The following LRP12 variants were observed in gnomAD, a reference collection of about 807,000 sequenced individuals.
LRP12 encodes the protein low-density lipoprotein receptor-related protein 12.
Under a neutral mutation model 66.0 loss-of-function variants are expected in LRP12, and 14 were observed. The ratio of observed to expected loss-of-function variants is 0.21; its 90% CI spans 0.14 to 0.33. The LOEUF is 0.33. Ranked by LOEUF, LRP12 falls within the 10% of genes least tolerant of loss-of-function variation. LRP12 has a pLI of 1.00. For synonymous variants in LRP12, 357 were observed against 359.1 expected (o/e 0.99, Z 0.07); for missense variants, 889 against 1,053.4 (o/e 0.84, Z 2.16).
chr8:104,523,341 TAA>T (rs1811178828), intron 2 of LRP12, among the ~76,000 whole-genome samples: 1 of 152,160 alleles, frequency 6.6e-6, no homozygotes, highest in Non-Finnish European at 1.5e-5. Context: ...TAACCTATTA[TAA>T]AGAGTTAGAA....
chr8:104,569,567 A>C (rs1481286643), intron 1 of LRP12, among the ~76,000 whole-genome samples: 1 of 152,180 alleles, frequency 6.6e-6, no homozygotes, highest in African/African-American at 2.4e-5. Flanking sequence ...TGACATGAGT[A>C]GATACAGAAA....
In LRP12 at chr8:104,490,111, A is replaced by C. The variant is rs1810593259; in HGVS notation, c.*562T>G. 6.6e-6 allele frequency: 1 copy of C among 152,642 alleles called. No individual in the cohort carries two copies. Among genetic ancestry groups the C allele is most frequent in the African/African-American group, 2.4e-5 (1 of 41,452 alleles). 9.5% of individuals were successfully genotyped at this position (152,642 alleles called of 1,614,324 possible). ...CTAAATTTCACATGATTGTATGTTAAACGTAAGAGAAAAATTTTTAGACAG... is the reference window on the plus strand; with the variant it reads ...CTAAATTTCACATGATTGTATGTTACACGTAAGAGAAAAATTTTTAGACAG... On this transcript the variant is annotated 3_prime_UTR_variant, in exon 7 of 7. Transcript: ENST00000276654.
intron 1 of LRP12, among the ~76,000 whole-genome samples, chr8:104,567,708 C>T (rs995067300): frequency 3.3e-5 from 5 of 152,024 alleles, no homozygotes; most frequent in African/African-American, 1.2e-4. Context: ...GAAAACAATT[C>T]CACTTACAAT....
chr8:104,526,696 G>C (rs1207464863), intron 2 of LRP12, among the ~76,000 whole-genome samples: 1 of 146,718 alleles, frequency 6.8e-6, no homozygotes, highest in Non-Finnish European at 1.5e-5. Context: ...ATGGATTAAA[G>C]ACTTAAACGT....
Position 104,547,364 on chromosome 8 carries a change from AAT to A in LRP12, c.80-15403_80-15402del, listed in dbSNP as rs1250482425. Among the ~76,000 whole-genome samples the A allele has an allele frequency of 4.4e-5, 5 of 114,344 alleles. 1 individual carries two copies. The highest frequency in any genetic ancestry group is 1.5e-4 in the African/African-American group (4 of 27,070). 75.0% of individuals were successfully genotyped at this position (114,344 alleles called of 152,430 possible). On this transcript the variant is annotated intron_variant, in intron 1 of 6. Coordinates refer to ENST00000276654, the MANE Select transcript of LRP12 (RefSeq NM_013437.5). The stretch of plus-strand genomic sequence containing the variant: ...TACAATTCTGTTATATTTTGTATAT[AAT>A]ATACAATTCTGTTATATTTTGTATA...
At chr8:104,575,410 A>G (rs1812150597) in intron 1 of LRP12, among the ~76,000 whole-genome samples, 1 of 152,198 alleles carries the variant, frequency 6.6e-6, no homozygotes, top group African/African-American at 2.4e-5. Flanking sequence ...TTGGTCCCCC[A>G]ATCCAGCGCA....
chr8:104,564,630 GA>G (rs944030638), intron 1 of LRP12, among the ~76,000 whole-genome samples: 4 of 147,408 alleles, frequency 2.7e-5, no homozygotes, highest in Non-Finnish European at 4.5e-5. Context: ...CTATCATTAT[GA>G]AAAAAAAAAG....
chr8:104,509,157 C>A, intron 2 of LRP12, 83 bp from the exon 3 acceptor site: 3 of 1,310,116 alleles, frequency 2.3e-6, no homozygotes, highest in Admixed American at 2.3e-5. Flanking sequence ...TTTTAAAAAC[C>A]AAAAAACTTT....
chr8:104,571,023 T>C (rs1812072833), intron 1 of LRP12, among the ~76,000 whole-genome samples: 1 of 152,172 alleles, frequency 6.6e-6, no homozygotes, highest in African/African-American at 2.4e-5. Flanking sequence ...GCTACCACCA[T>C]ATCCCTTCTA....
At chr8:104,527,074 T>A (rs1255173173) in intron 2 of LRP12, among the ~76,000 whole-genome samples, 1 of 151,148 alleles carries the variant, frequency 6.6e-6, no homozygotes, top group Non-Finnish European at 1.5e-5. Context: ...AAAAGACACA[T>A]GAAAAAATGC....
At chr8:104,508,873 T>C (rs1374201591) in intron 3 of LRP12, 66 bp downstream of exon 3, 1 of 1,411,840 alleles carries the variant, frequency 7.1e-7, no homozygotes, top group Non-Finnish European at 9.7e-7. Flanking sequence ...TGTTAAGTAA[T>C]AATAAATGAA....
intron 1 of LRP12, among the ~76,000 whole-genome samples, chr8:104,582,069 T>C (rs1812258044): frequency 6.6e-6 from 1 of 152,230 alleles, no homozygotes; most frequent in Non-Finnish European, 1.5e-5. Flanking sequence ...TACTCACTTA[T>C]ATTTGAAAAA....
At position 104,582,132 on chromosome 8, in the gene LRP12, A is replaced by G. The variant is rs1405493092; in HGVS notation, c.79+6687T>C. ...TGTGCTCCATTTAATCCTAATATTA[A>G]AAGATTGGCATCATTTTTAATTTCT... On this transcript the variant is annotated intron_variant, in intron 1 of 6. Transcript: ENST00000276654. Among the ~76,000 whole-genome samples the G allele has an allele frequency of 2.6e-5, 4 of 152,328 alleles. No individual in the cohort carries two copies. In the South Asian group the frequency reaches 8.3e-4, roughly 32 times the overall value.
intron 1 of LRP12, among the ~76,000 whole-genome samples, chr8:104,541,450 G>A (rs779495086): frequency 1.3e-5 from 2 of 152,016 alleles, no homozygotes; most frequent in Admixed American, 1.3e-4. Flanking sequence ...AATTCAGAAC[G>A]CCAGGAAAAA....
At chr8:104,553,194 C>A (rs1811753684) in intron 1 of LRP12, among the ~76,000 whole-genome samples, 1 of 152,088 alleles carries the variant, frequency 6.6e-6, no homozygotes, top group Admixed American at 6.5e-5. Flanking sequence ...AACTTTGTAA[C>A]AATTTCAACT....
At chr8:104,513,357 C>T (rs756302879) in intron 2 of LRP12, among the ~76,000 whole-genome samples, 3 of 152,154 alleles carry the variant, frequency 2.0e-5, no homozygotes, top group African/African-American at 7.2e-5. Flanking sequence ...TGTTGAAATA[C>T]GGAGTTGCTA....
chr8:104,514,400 GATAAAACAGATAAAACTTA>G lies in LRP12; in HGVS notation c.137-5345_137-5327del, dbSNP rs570592484. Among the ~76,000 whole-genome samples the G allele has an allele frequency of 1.8e-3, 267 of 151,854 alleles. 1 individual carries two copies. Among genetic ancestry groups the G allele is most frequent in the African/African-American group, 4.8e-3 (198 of 41,400 alleles). On this transcript the variant is annotated intron_variant, in intron 2 of 6. Coordinates refer to ENST00000276654, the MANE Select transcript of LRP12 (RefSeq NM_013437.5). ...TGAGGTGGCTTATTATTATAATATT[GATAAAACAGATAAAACTTA>G]AGTCTCCGGCCAAGTGTGGTGACTC...
chr8:104,561,316 C>A (rs1362471025), intron 1 of LRP12, among the ~76,000 whole-genome samples: 1 of 152,154 alleles, frequency 6.6e-6, no homozygotes, highest in Non-Finnish European at 1.5e-5. Context: ...CAGAAGAAGA[C>A]ATACACTGTC....
intron 1 of LRP12, among the ~76,000 whole-genome samples, chr8:104,547,581 TTAATATA>T (rs1183916843): frequency 1.9e-4 from 23 of 121,214 alleles, no homozygotes; most frequent in East Asian, 1.3e-3. Flanking sequence ...TTATTATATA[TTAATATA>T]TAATATATAA....
Sources: allele counts gnomAD v4.1 joint callset (sites outside exome capture counted in the v4.1 genomes callset), GRCh38; gene constraint gnomAD v4.1.1; transcripts MANE v1.5; gene names NCBI Gene and HGNC (gene_info 2026-07-23, HGNC 2026-07-21).